The following COL4A6 variants were observed in gnomAD, a reference collection of about 807,000 sequenced individuals.
The protein encoded by COL4A6 is collagen type IV alpha 6 chain.
A neutral mutation model predicts 126.7 loss-of-function variants in COL4A6; 59 were observed. The observed-to-expected ratio is 0.47, with a 90% CI of 0.38 to 0.58. COL4A6 has a LOEUF of 0.58. Ranked by LOEUF, COL4A6 falls within the 20% of genes least tolerant of loss-of-function variation. COL4A6 has a pLI of 0.00. For missense variants in COL4A6, 1,285 were observed against 1,337.3 expected (o/e 0.96, Z 0.61); for synonymous variants, 547 against 496.6 (o/e 1.10, Z -1.35).
chrX:108,419,948 A>G (rs1410187471), intron 2 of COL4A6, among the ~76,000 whole-genome samples: 1 of 112,207 alleles, frequency 8.9e-6, no homozygotes, highest in East Asian at 2.8e-4. Context: ...AAATTAACAA[A>G]TTGACAAGTT....
chrX:108,346,919 C>G (rs981334595), intron 2 of COL4A6, among the ~76,000 whole-genome samples: 1 of 112,217 alleles, frequency 8.9e-6, no homozygotes, highest in African/African-American at 3.2e-5. Flanking sequence ...ATAAGGAGCA[C>G]CTCCTGCCAC....
At chrX:108,188,188 C>A (rs2034931176) in intron 21 of COL4A6, among the ~76,000 whole-genome samples, 161 bp from the exon 22 acceptor site, 1 of 112,114 alleles carries the variant, frequency 8.9e-6, no homozygotes, top group Non-Finnish European at 1.9e-5. Context: ...CCATTTATTT[C>A]TGCACCTTTT....
intron 2 of COL4A6, among the ~76,000 whole-genome samples, chrX:108,398,497 G>T (rs974604459): frequency 5.4e-5 from 6 of 111,054 alleles, no homozygotes; most frequent in African/African-American, 1.6e-4. Context: ...GTCAGGATGT[G>T]TTAGGTTCTA....
chrX:108,181,113 G>T, intron 23 of COL4A6, 145 bp from the exon 24 acceptor site: 1 of 482,966 alleles, frequency 2.1e-6, no homozygotes, highest in Non-Finnish European at 3.5e-6. Context: ...GAAAACCTTG[G>T]CATCATTAGC....
intron 17 of COL4A6, among the ~76,000 whole-genome samples, chrX:108,193,369 T>G (rs181612072): frequency 1.8e-5 from 2 of 111,218 alleles, no homozygotes; most frequent in African/African-American, 6.5e-5. Context: ...AGAACCATTT[T>G]CATCAAATTC....
chrX:108,258,466 A>G (rs964482204), intron 3 of COL4A6, among the ~76,000 whole-genome samples: 5 of 112,069 alleles, frequency 4.5e-5, no homozygotes, highest in Admixed American at 9.5e-5. Flanking sequence ...TGGAAAACTG[A>G]GCTGCTTCAA....
At chrX:108,421,905 C>T (rs183419172) in intron 2 of COL4A6, among the ~76,000 whole-genome samples, 6 of 112,218 alleles carry the variant, frequency 5.3e-5, no homozygotes, top group Admixed American at 1.9e-4. Flanking sequence ...CATTATGTTA[C>T]TTTATGTCAT....
chrX:108,276,788 C>G (rs1305233950), intron 3 of COL4A6, among the ~76,000 whole-genome samples: 1 of 111,860 alleles, frequency 8.9e-6, no homozygotes, highest in Non-Finnish European at 1.9e-5. Flanking sequence ...TGCTTGGCTG[C>G]TAGGTGGCAT....
rs755472898 is a variant in COL4A6 at position 108,179,374 on chromosome X, G to T, written c.2196C>A (p.Gly732=). Residue 732 remains glycine, a synonymous_variant, in exon 26 of 45, where the codon GGC becomes GGA. Transcript: ENST00000334504. The stretch of plus-strand genomic sequence containing the variant: ...CTGGACTGCCAATCATCCCAGGCAA[G>T]CCATCTTTTCCAGGGAGCCCAGGAA... ...PGFPGLPGKD[G]LPGMIGSPGL... The T allele has an allele frequency of 8.3e-7, 1 of 1,210,985 alleles. No individual in the cohort carries two copies. Among genetic ancestry groups the T allele is most frequent in the South Asian group, 1.8e-5 (1 of 56,850 alleles).
chrX:108,270,735 C>T (rs904579155), intron 3 of COL4A6, among the ~76,000 whole-genome samples: 2 of 111,907 alleles, frequency 1.8e-5, no homozygotes, highest in African/African-American at 6.5e-5. Context: ...AAGGTTTACA[C>T]AAAAAACTGT....
At chrX:108,388,613 TTTA>T (rs779352335) in intron 2 of COL4A6, among the ~76,000 whole-genome samples, 3 of 111,805 alleles carry the variant, frequency 2.7e-5, no homozygotes, top group East Asian at 5.6e-4. Context: ...TCTTCTCTTC[TTTA>T]TTAGTCTGGC....
At chrX:108,199,255 A>G (rs1431510194) in intron 13 of COL4A6, among the ~76,000 whole-genome samples, 2 of 110,680 alleles carry the variant, frequency 1.8e-5, no homozygotes, top group African/African-American at 3.3e-5. Flanking sequence ...GTGAGTGTGG[A>G]TAATTGAAAG....
intron 2 of COL4A6, among the ~76,000 whole-genome samples, chrX:108,424,565 C>T (rs1340362080): frequency 9.0e-6 from 1 of 111,279 alleles, no homozygotes; most frequent in East Asian, 2.8e-4. Context: ...ATATTGACCT[C>T]TCCCTTCTTA....
At chrX:108,218,616 G>A (rs2035926801) in intron 5 of COL4A6, among the ~76,000 whole-genome samples, 1 of 112,030 alleles carries the variant, frequency 8.9e-6, no homozygotes, top group Non-Finnish European at 1.9e-5. Flanking sequence ...TATACCCAAG[G>A]TTGAGTGCTA....
chrX:108,337,647 G>A (rs2039464232), intron 2 of COL4A6, among the ~76,000 whole-genome samples: 1 of 112,369 alleles, frequency 8.9e-6, no homozygotes, highest in South Asian at 3.7e-4. Context: ...TCACCCTTCT[G>A]AACCTCAGTT....
chrX:108,312,094 T>C (rs2038776883), intron 2 of COL4A6, among the ~76,000 whole-genome samples: 1 of 112,389 alleles, frequency 8.9e-6, no homozygotes, highest in African/African-American at 3.2e-5. Flanking sequence ...AAGAACTTTA[T>C]CTCTGGGATG....
intron 2 of COL4A6, among the ~76,000 whole-genome samples, chrX:108,315,970 C>T (rs1372353393): frequency 8.9e-6 from 1 of 111,939 alleles, no homozygotes; most frequent in Non-Finnish European, 1.9e-5. Context: ...TGGGATTCTT[C>T]GTTTCTCCTG....
In COL4A6 at chrX:108,275,894, C is replaced by T. The variant is rs145608760; in HGVS notation, c.144+34854G>A. 3.9e-3 allele frequency among the ~76,000 whole-genome samples: 434 copies of T among 112,697 alleles called. 1 individual carries two copies. Among genetic ancestry groups the T allele is most frequent in the African/African-American group, 0.014 (424 of 31,053 alleles). On this transcript the variant is annotated intron_variant, in intron 3 of 44. Transcript: ENST00000334504. ...GTTCAAGCCCAAAATGTAACCTTTG[C>T]CTTGGAAAATTCCCCAGCCAAAGTC...
At chrX:108,381,922 T>G (rs921914569) in intron 2 of COL4A6, among the ~76,000 whole-genome samples, 1 of 108,480 alleles carries the variant, frequency 9.2e-6, no homozygotes, top group Admixed American at 9.6e-5. Context: ...ATTCTCTATT[T>G]TCTTCCTATC....
Sources: gnomAD v4.1 joint callset for allele counts (sites outside exome capture counted in the v4.1 genomes callset) on GRCh38, gnomAD v4.1.1 for gene constraint, MANE v1.5 for transcripts, NCBI Gene and HGNC (gene_info 2026-07-23, HGNC 2026-07-21) for gene names.